Variants in EMP2 observed in about 807,000 individuals in gnomAD.
EMP2 encodes epithelial membrane protein 2.
Under a neutral mutation model 13.7 loss-of-function variants are expected in EMP2, and 19 were observed. That is an observed-to-expected ratio of 1.38 (90% CI 0.97 to 2.03). The LOEUF is 2.03. Among genes scored for constraint, EMP2 ranks in the 30% most tolerant of loss-of-function variants. The pLI, the probability that EMP2 is intolerant of heterozygous loss-of-function variation, is 0.00. For synonymous variants in EMP2, 97 were observed against 84.7 expected (o/e 1.15, Z -0.80); for missense variants, 253 against 220.7 (o/e 1.15, Z -0.93).
chr16:10,570,470 T>C (rs960582604), intron 1 of EMP2, among the ~76,000 whole-genome samples: 5 of 152,192 alleles, frequency 3.3e-5, no homozygotes, highest in Non-Finnish European at 7.3e-5. Flanking sequence ...TGATCTCAAC[T>C]CACCGTCACG....
intron 1 of EMP2, among the ~76,000 whole-genome samples, chr16:10,574,870 T>A (rs1350085277): frequency 6.6e-6 from 1 of 152,086 alleles, no homozygotes; most frequent in Non-Finnish European, 1.5e-5. Flanking sequence ...TTTCTCTTAA[T>A]TTAAGAGATG....
In EMP2 at chr16:10,530,029, A is replaced by C. The variant is rs977135717; in HGVS notation, c.*2876T>G. On this transcript the variant is annotated 3_prime_UTR_variant, in exon 5 of 5. Coordinates refer to ENST00000359543, the MANE Select transcript of EMP2 (RefSeq NM_001424.6). Reference sequence around the variant, plus strand: ...AACTTAAGATTCAACTTCCTCCATGAGCTTGGGTAGCATCCTGTTAACCCT... The same window carrying C: ...AACTTAAGATTCAACTTCCTCCATGCGCTTGGGTAGCATCCTGTTAACCCT... 1 of 152,168 alleles carries C rather than the reference A, an allele frequency of 6.6e-6. No individual in the cohort carries two copies. The highest frequency in any genetic ancestry group is 1.5e-5 in the Non-Finnish European group (1 of 68,036). 9.4% of individuals were successfully genotyped at this position (152,168 alleles called of 1,614,324 possible).
chr16:10,575,322 T>C (rs1417690139), intron 1 of EMP2, among the ~76,000 whole-genome samples: 1 of 135,896 alleles, frequency 7.4e-6, no homozygotes, highest in South Asian at 2.5e-4. Flanking sequence ...GGCGTGATCT[T>C]GGCTCACTGC....
At chr16:10,568,661 T>C (rs1280883609) in intron 1 of EMP2, among the ~76,000 whole-genome samples, 2 of 152,158 alleles carry the variant, frequency 1.3e-5, no homozygotes, top group African/African-American at 2.4e-5. Flanking sequence ...GGGCCCACAG[T>C]TCCTCCGACA....
chr16:10,577,549 C>T (rs1446190165), intron 1 of EMP2, among the ~76,000 whole-genome samples: 1 of 152,134 alleles, frequency 6.6e-6, no homozygotes, highest in Non-Finnish European at 1.5e-5. Flanking sequence ...GACTGCTCTG[C>T]CTGTCACCAC....
chr16:10,564,185 C>T (rs772020584), intron 1 of EMP2, among the ~76,000 whole-genome samples: 36 of 152,192 alleles, frequency 2.4e-4, no homozygotes, highest in Non-Finnish European at 4.7e-4. Flanking sequence ...TCTGTGTGGA[C>T]ATGTCTTATG....
intron 2 of EMP2, 119 bp from the exon 3 acceptor site, chr16:10,543,779 A>G (rs2050719302): frequency 1.1e-6 from 1 of 927,420 alleles, no homozygotes; most frequent in Admixed American, 1.8e-5. Flanking sequence ...CACATGTGAG[A>G]ATTGCCTGAG....
At chr16:10,550,095 A>G (rs2050774894) in intron 1 of EMP2, among the ~76,000 whole-genome samples, 1 of 152,024 alleles carries the variant, frequency 6.6e-6, no homozygotes, top group African/African-American at 2.4e-5. Flanking sequence ...TATGTTGGCC[A>G]GGCTGGTCTC....
chr16:10,537,866 G>C, intron 4 of EMP2, 62 bp downstream of exon 4: 1 of 1,587,636 alleles, frequency 6.3e-7, no homozygotes, highest in East Asian at 2.3e-5. Flanking sequence ...CCTCCTGGCG[G>C]CTGGGAAGGG....
intron 3 of EMP2, 97 bp from the exon 4 acceptor site, chr16:10,538,171 G>C: frequency 6.8e-7 from 1 of 1,469,222 alleles, no homozygotes; most frequent in Non-Finnish European, 9.3e-7. Flanking sequence ...AGGTGTGACA[G>C]GAGGCAAACA....
chr16:10,576,323 C>T (rs1037017471), intron 1 of EMP2, among the ~76,000 whole-genome samples: 1 of 152,098 alleles, frequency 6.6e-6, no homozygotes, highest in Admixed American at 6.5e-5. Flanking sequence ...TATTTATTCA[C>T]TGCAAATTTC....
chr16:10,532,128 C>T lies in EMP2; in HGVS notation c.*777G>A, dbSNP rs114804864. On this transcript the variant is annotated 3_prime_UTR_variant, in exon 5 of 5. Coordinates refer to ENST00000359543, the MANE Select transcript of EMP2 (RefSeq NM_001424.6). ...CAACTTCAACGCATCTGAAGCGTTG[C>T]CCAGGGAGCGCGTTAGAAATGCAGA... 3.5e-3 allele frequency: 550 copies of T among 154,930 alleles called. 4 individuals are homozygous for T. Among genetic ancestry groups the T allele is most frequent in the African/African-American group, 0.013 (528 of 41,632 alleles). The allele number at this position is 154,930 out of a possible 1,614,324, so 9.6% of individuals were successfully genotyped here. A position where few individuals can be genotyped will look rare whatever the true frequency, so the allele number is the denominator to read the frequency against.
chr16:10,571,698 T>A (rs1222199243), intron 1 of EMP2, among the ~76,000 whole-genome samples: 1 of 152,086 alleles, frequency 6.6e-6, no homozygotes, highest in Non-Finnish European at 1.5e-5. Flanking sequence ...GGGATACAGG[T>A]CATGGAGCTT....
chr16:10,534,199 T>C lies in EMP2; in HGVS notation c.317-1107A>G, dbSNP rs552382177. Reference sequence around the variant, plus strand: ...TTTAAATTGCTCTCCTTTCTCTTGCTGACTGCTTTAAATATTGTCGGGGCA... The same window carrying C: ...TTTAAATTGCTCTCCTTTCTCTTGCCGACTGCTTTAAATATTGTCGGGGCA... On this transcript the variant is annotated intron_variant, in intron 4 of 4. Transcript: ENST00000359543. Among the ~76,000 whole-genome samples, 7 of 152,160 alleles carry C rather than the reference T, an allele frequency of 4.6e-5. 1 individual carries two copies. The highest frequency in any genetic ancestry group is 1.0e-4 in the Non-Finnish European group (7 of 68,020).
chr16:10,562,336 T>TTCTCTCTCTCCCTCTC (rs2050876936), intron 1 of EMP2, among the ~76,000 whole-genome samples: 1 of 124,112 alleles, frequency 8.1e-6, no homozygotes, highest in Non-Finnish European at 1.6e-5. Context: ...CTCATGCATG[T>TTCTCTCTCTCCCTCTC]TCTCTCTCTC....
intron 3 of EMP2, among the ~76,000 whole-genome samples, chr16:10,540,527 C>CAAAT (rs57593107): frequency 2.0e-5 from 3 of 150,878 alleles, no homozygotes; most frequent in East Asian, 3.9e-4. Flanking sequence ...AATAAATAAA[C>CAAAT]AAATAAATAA....
intron 1 of EMP2, among the ~76,000 whole-genome samples, chr16:10,564,422 T>G (rs935047365): frequency 7.5e-6 from 1 of 132,722 alleles, no homozygotes; most frequent in Non-Finnish European, 1.5e-5. Flanking sequence ...ACCTGGGAGG[T>G]GGAGGTTGCA....
intron 1 of EMP2, among the ~76,000 whole-genome samples, chr16:10,549,443 A>G (rs1231644746): frequency 6.6e-6 from 1 of 152,200 alleles, no homozygotes; most frequent in African/African-American, 2.4e-5. Context: ...AATTGATAAA[A>G]TCTTTGAGTA....
intron 1 of EMP2, among the ~76,000 whole-genome samples, chr16:10,560,343 C>T (rs956153757): frequency 5.3e-5 from 8 of 152,198 alleles, no homozygotes; most frequent in Admixed American, 1.3e-4. Context: ...CACCGCCGCA[C>T]GCAGGGTAGT....
Sources: allele counts gnomAD v4.1 joint callset (sites outside exome capture counted in the v4.1 genomes callset), GRCh38; gene constraint gnomAD v4.1.1; transcripts MANE v1.5; gene names NCBI Gene and HGNC (gene_info 2026-07-23, HGNC 2026-07-21).